The following SLX4IP variants were observed in gnomAD, a reference collection of about 807,000 sequenced individuals.
SLX4IP encodes protein SLX4IP.
Under a neutral mutation model 32.9 loss-of-function variants are expected in SLX4IP, and 34 were observed. The observed-to-expected ratio is 1.03, with a 90% CI of 0.79 to 1.38. SLX4IP has a LOEUF of 1.38. SLX4IP is among the 40% of genes most tolerant of loss of function. SLX4IP has a pLI of 0.00. For synonymous variants in SLX4IP, 172 were observed against 171.7 expected (o/e 1.00, Z -0.01); for missense variants, 444 against 479.0 (o/e 0.93, Z 0.68).
At chr20:10,578,449 G>C (rs150445222) in intron 4 of SLX4IP, among the ~76,000 whole-genome samples, 1 of 152,122 alleles carries the variant, frequency 6.6e-6, no homozygotes, top group Non-Finnish European at 1.5e-5. Context: ...ATGTTCCATG[G>C]TATGGATCTA....
Position 10,627,160 on chromosome 20 carries a change from G to A in SLX4IP, c.*3781G>A. 6.6e-6 allele frequency: 1 copy of A among 152,208 alleles called. No individual in the cohort carries two copies. The highest frequency in any genetic ancestry group is 1.9e-4 in the East Asian group (1 of 5,200). 9.4% of individuals were successfully genotyped at this position (152,208 alleles called of 1,614,324 possible). A position where few individuals can be genotyped will look rare whatever the true frequency, so the allele number is the denominator to read the frequency against. On this transcript the variant is annotated 3_prime_UTR_variant, in exon 8 of 8. Coordinates refer to ENST00000334534, the MANE Select transcript of SLX4IP (RefSeq NM_001009608.3). ...GAGTGGCCCTCCTTTGGAGGTAACA[G>A]ATGCCTTTCCTAAGAACTCAAAGTT...
At chr20:10,606,996 TA>T (rs1412000740) in intron 6 of SLX4IP, among the ~76,000 whole-genome samples, 1 of 152,252 alleles carries the variant, frequency 6.6e-6, no homozygotes, top group Non-Finnish European at 1.5e-5. Context: ...GTGTTTTCTG[TA>T]ATGATCTCTG....
At chr20:10,518,404 T>C (rs142681414) in intron 2 of SLX4IP, among the ~76,000 whole-genome samples, 22,073 of 91,550 alleles carry the variant, frequency 0.24, 3,329 homozygotes, top group Admixed American at 0.31. Context: ...TCTTTCTTTC[T>C]TTCCTTCCTT....
intron 4 of SLX4IP, among the ~76,000 whole-genome samples, chr20:10,583,256 A>G (rs2122528192): frequency 6.6e-6 from 1 of 152,336 alleles, no homozygotes; most frequent in African/African-American, 2.4e-5. Context: ...TTAAAATGTT[A>G]AAAACGCCAT....
At chr20:10,530,769 C>A (rs942400605) in intron 2 of SLX4IP, among the ~76,000 whole-genome samples, 2 of 151,980 alleles carry the variant, frequency 1.3e-5, no homozygotes, top group East Asian at 3.9e-4. Flanking sequence ...TGAAACAAAT[C>A]TTTAAAAAGG....
At chr20:10,470,631 T>C (rs2065417116) in intron 2 of SLX4IP, among the ~76,000 whole-genome samples, 1 of 152,158 alleles carries the variant, frequency 6.6e-6, no homozygotes, top group Non-Finnish European at 1.5e-5. Context: ...GCGAGTTTAA[T>C]ATGAGGTGAA....
At chr20:10,500,682 G>A (rs2122413069) in intron 2 of SLX4IP, among the ~76,000 whole-genome samples, 1 of 152,240 alleles carries the variant, frequency 6.6e-6, no homozygotes, top group East Asian at 1.9e-4. Context: ...AGCCCAGGAG[G>A]TCGAGGCTGC....
intron 4 of SLX4IP, among the ~76,000 whole-genome samples, chr20:10,584,861 C>T (rs989203516): frequency 6.6e-6 from 1 of 152,096 alleles, no homozygotes; most frequent in Non-Finnish European, 1.5e-5. Flanking sequence ...TGAGTGAATG[C>T]ATCAAAAATG....
In SLX4IP at chr20:10,480,473, A is replaced by G. The variant is rs183017999; in HGVS notation, c.27+22242A>G. On this transcript the variant is annotated intron_variant, in intron 2 of 7. Transcript: ENST00000334534. ...TAAAAGAACATCATTCCGGATGTGT[A>G]CTGTAGATTATATCATATGTACAGA... Among the ~76,000 whole-genome samples the G allele has an allele frequency of 4.3e-3, 660 of 152,294 alleles. 7 individuals are homozygous for G. The highest frequency in any genetic ancestry group is 4.7e-3 in the Non-Finnish European group (317 of 68,014).
Position 10,622,996 on chromosome 20 carries a change from T to C in SLX4IP, c.844T>C (p.Cys282Arg). The C allele has an allele frequency of 3.7e-6, 6 of 1,614,172 alleles. No homozygotes were observed. Among genetic ancestry groups the C allele is most frequent in the South Asian group, 2.2e-5 (2 of 91,088 alleles). ...PVCSCESASP[C>R]PKQSPRVAKT... ...CTGTAGCTGTGAGTCAGCATCACCA[T>C]GTCCAAAACAAAGTCCACGAGTGGC... is the stretch of plus-strand genomic sequence containing the variant. The change falls in exon 8 of 8, where the codon TGT (cysteine) becomes CGT (arginine). Residue 282 changes from cysteine to arginine, a missense_variant. Physicochemically the swap from Cys to Arg is radical, Grantham distance 180. Transcript: ENST00000334534.
chr20:10,453,175 ACT>A (rs2065257078), intron 1 of SLX4IP, among the ~76,000 whole-genome samples: 1 of 151,892 alleles, frequency 6.6e-6, no homozygotes, highest in African/African-American at 2.4e-5. Context: ...TGTATTAAGC[ACT>A]CTTTTTATTT....
rs117995903 is a variant in SLX4IP at position 10,611,092 on chromosome 20, G to A, written c.405+9273G>A. 5.3e-5 allele frequency among the ~76,000 whole-genome samples: 8 copies of A among 152,244 alleles called. No individual in the cohort carries two copies. The East Asian group carries it at 1.2e-3, about 22-fold the overall frequency. On this transcript the variant is annotated intron_variant, in intron 6 of 7. Coordinates refer to ENST00000334534, the MANE Select transcript of SLX4IP (RefSeq NM_001009608.3). The stretch of plus-strand genomic sequence containing the variant: ...GTGTCCACTAAAGTATGGTTGTAAC[G>A]TTCTTTTTGCCTCATTACAAATTAA...
At chr20:10,490,518 A>G (rs1568706940) in intron 2 of SLX4IP, among the ~76,000 whole-genome samples, 3 of 152,150 alleles carry the variant, frequency 2.0e-5, no homozygotes, top group Admixed American at 6.5e-5. Flanking sequence ...CTGACCTCAC[A>G]TTGAGACTGG....
At chr20:10,461,491 C>T (rs990933593) in intron 2 of SLX4IP, among the ~76,000 whole-genome samples, 10 of 152,204 alleles carry the variant, frequency 6.6e-5, no homozygotes, top group African/African-American at 2.2e-4. Flanking sequence ...GGTTGTATTT[C>T]TGCCTCTGAC....
intron 1 of SLX4IP, among the ~76,000 whole-genome samples, chr20:10,456,382 C>T (rs907952530): frequency 6.6e-6 from 1 of 152,132 alleles, no homozygotes; most frequent in African/African-American, 2.4e-5. Context: ...TGCTCTGTCA[C>T]CCAGGGTGGA....
chr20:10,571,456 C>A (rs1031974483), intron 4 of SLX4IP, among the ~76,000 whole-genome samples: 1 of 152,206 alleles, frequency 6.6e-6, no homozygotes. Context: ...CTGTCTCACC[C>A]TGGGCTTCTG....
intron 2 of SLX4IP, among the ~76,000 whole-genome samples, chr20:10,512,674 G>A (rs1182393760): frequency 7.3e-6 from 1 of 136,642 alleles, no homozygotes; most frequent in Non-Finnish European, 1.6e-5. Flanking sequence ...TATATATATT[G>A]TGTATATATA....
intron 4 of SLX4IP, among the ~76,000 whole-genome samples, chr20:10,597,978 C>A (rs893001789): frequency 6.6e-6 from 1 of 152,184 alleles, no homozygotes. Context: ...AATTTATTTA[C>A]AGGCAAAATA....
chr20:10,623,284 G>A lies in SLX4IP; in HGVS notation c.1132G>A (p.Ala378Thr), dbSNP rs767163597. ...RHLMKNNPGQ[A>T]QQTGLATNTE... Reference sequence around the variant, plus strand: ...TCTTATGAAAAATAACCCAGGGCAGGCACAGCAAACCGGCTTAGCCACAAA... The same window carrying A: ...TCTTATGAAAAATAACCCAGGGCAGACACAGCAAACCGGCTTAGCCACAAA... The change falls in exon 8 of 8, where the codon GCA (alanine) becomes ACA (threonine). Residue 378 changes from alanine to threonine, a missense_variant. Ala to Thr is a moderately conservative substitution (Grantham distance 58). Transcript: ENST00000334534. 15 of 1,613,998 alleles carry A rather than the reference G, an allele frequency of 9.3e-6. No individual in the cohort carries two copies. The highest frequency in any genetic ancestry group is 1.3e-5 in the Non-Finnish European group (15 of 1,180,040).
Sources: allele counts gnomAD v4.1 joint callset (sites outside exome capture counted in the v4.1 genomes callset), GRCh38; gene constraint gnomAD v4.1.1; transcripts MANE v1.5; gene names NCBI Gene and HGNC (gene_info 2026-07-23, HGNC 2026-07-21).